ANK1: variants seen among roughly 807,000 people sequenced by gnomAD.
ANK1 encodes ankyrin 1, also known as ankyrin-1.
A neutral mutation model predicts 210.4 loss-of-function variants in ANK1; 51 were observed. The ratio of observed to expected loss-of-function variants is 0.24; its 90% CI spans 0.19 to 0.31. The LOEUF is 0.31. Ranked by LOEUF, ANK1 falls within the 10% of genes least tolerant of loss-of-function variation. The pLI, the probability that ANK1 is intolerant of heterozygous loss-of-function variation, is 1.00. For synonymous variants in ANK1, 967 were observed against 1,025.9 expected, an observed-to-expected ratio of 0.94 and a Z score of 1.10; for missense variants, 2,051 against 2,504.4, an observed-to-expected ratio of 0.82 and a Z score of 3.86.
chr8:41,761,472 CA>C (rs1840439202), intron 1 of ANK1, among the ~76,000 whole-genome samples: 1 of 152,182 alleles, frequency 6.6e-6, no homozygotes, highest in Admixed American at 6.5e-5. Context: ...TAGCCATGCA[CA>C]AGGAAGCAAG....
At chr8:41,843,330 G>A (rs1179052581) in intron 1 of ANK1, among the ~76,000 whole-genome samples, 3 of 152,070 alleles carry the variant, frequency 2.0e-5, no homozygotes, top group Admixed American at 6.6e-5. Flanking sequence ...CCTGCTCTGC[G>A]ATCAGACATT....
chr8:41,687,177 C>T (rs534637392), intron 35 of ANK1, among the ~76,000 whole-genome samples: 1 of 152,152 alleles, frequency 6.6e-6, no homozygotes, highest in Non-Finnish European at 1.5e-5. Context: ...CATATAAAAG[C>T]TAACAAAAAA....
intron 1 of ANK1, among the ~76,000 whole-genome samples, chr8:41,771,252 C>T (rs1030247715): frequency 5.3e-5 from 8 of 151,132 alleles, no homozygotes; most frequent in Non-Finnish European, 1.2e-4. Flanking sequence ...TTCAGGATGG[C>T]AGAAAAAAAA....
intron 22 of ANK1, 84 bp downstream of exon 22, chr8:41,701,466 G>A: frequency 1.6e-6 from 2 of 1,276,814 alleles, no homozygotes; most frequent in Non-Finnish European, 1.1e-6. Context: ...AGGGGACAAA[G>A]CCGGCAGGTG....
At chr8:41,662,965 G>C (rs1563335588) in intron 40 of ANK1, among the ~76,000 whole-genome samples, 1 of 152,000 alleles carries the variant, frequency 6.6e-6, no homozygotes, top group Non-Finnish European at 1.5e-5. Context: ...ACCCAGGCTG[G>C]AGTGCAGTGG....
At chr8:41,853,583 T>C (rs1811646219) in intron 1 of ANK1, among the ~76,000 whole-genome samples, 1 of 152,200 alleles carries the variant, frequency 6.6e-6, no homozygotes, top group East Asian at 1.9e-4. Context: ...AATTTTTACA[T>C]CTTAAAGATG....
In ANK1 at chr8:41,725,811, T is replaced by C; in HGVS notation, c.562A>G (p.Thr188Ala). ...TCGTTCTGCAGCAGCACCGCAGCCG[T>C]GCGCGTGTCGTCGTTGCGGGCCGCG... ...HIAARNDDTR[T>A]AAVLLQNDPN... is the part of the protein sequence containing the mutation. The change falls in exon 6 of 43, where the codon ACG becomes GCG. Residue 188 changes from threonine to alanine, a missense_variant. Thr to Ala is a moderately conservative substitution (Grantham distance 58). This residue lies in a region of ANK1 where 1,413 missense variants were observed against 1,707.4 expected (regional missense o/e 0.83). Transcript: ENST00000289734. The C allele has an allele frequency of 6.2e-7, 1 of 1,612,074 alleles. No individual in the cohort carries two copies. The highest frequency in any genetic ancestry group is 8.5e-7 in the Non-Finnish European group (1 of 1,179,746).
intron 1 of ANK1, among the ~76,000 whole-genome samples, chr8:41,894,948 C>T (rs983061841): frequency 6.6e-6 from 1 of 152,120 alleles, no homozygotes; most frequent in African/African-American, 2.4e-5. Flanking sequence ...TGTGAAACTA[C>T]TATTTACACA....
intron 2 of ANK1, among the ~76,000 whole-genome samples, chr8:41,735,891 C>T (rs1259920027): frequency 1.3e-5 from 2 of 152,152 alleles, no homozygotes; most frequent in African/African-American, 4.8e-5. Context: ...TACCTACCTC[C>T]TATTTAGGTC....
chr8:41,761,421 G>A (rs528167621), intron 1 of ANK1, among the ~76,000 whole-genome samples: 3 of 152,240 alleles, frequency 2.0e-5, no homozygotes, highest in East Asian at 3.9e-4. Flanking sequence ...ACACACAGAG[G>A]TGAAACTATG....
chr8:41,812,444 G>A (rs1464400261), intron 1 of ANK1, among the ~76,000 whole-genome samples: 3 of 152,192 alleles, frequency 2.0e-5, no homozygotes. Flanking sequence ...AGCCATGGAA[G>A]GTCAACGGAG....
chr8:41,811,442 C>T lies in ANK1; in HGVS notation c.127-53305G>A, dbSNP rs985597865. On this transcript the variant is annotated intron_variant, in intron 1 of 42. Transcript: ENST00000265709. ...TCTGCAAAGGCGGTTTCAGAAGACT[C>T]GGAAGTCCCTCCTCACACAGGAGCT... 3.9e-5 allele frequency among the ~76,000 whole-genome samples: 6 copies of T among 152,334 alleles called. 1 individual carries two copies. Among genetic ancestry groups the T allele is most frequent in the East Asian group, 1.9e-4 (1 of 5,188 alleles).
intron 39 of ANK1, chr8:41,665,214 C>T: frequency 6.6e-7 from 1 of 1,526,538 alleles, no homozygotes; most frequent in South Asian, 1.2e-5. Context: ...GAATGGCCCT[C>T]TCGGCTGAAG....
At chr8:41,820,127 C>T (rs1453963403) in intron 1 of ANK1, among the ~76,000 whole-genome samples, 1 of 151,800 alleles carries the variant, frequency 6.6e-6, no homozygotes, top group Admixed American at 6.6e-5. Flanking sequence ...TCCACAGGAA[C>T]TAATTCACAC....
At chr8:41,664,800 G>C in intron 39 of ANK1, 1 of 1,601,478 alleles carries the variant, frequency 6.2e-7, no homozygotes, top group Non-Finnish European at 8.5e-7. Flanking sequence ...CTGCCAGGCG[G>C]TTACCTTCAG....
At chr8:41,664,284 C>T in intron 39 of ANK1, 1 of 402,954 alleles carries the variant, frequency 2.5e-6, no homozygotes. Context: ...CCAATTTGGG[C>T]AACATAGCGA....
chr8:41,799,180 GTTGT>G (rs939519193), upstream of ANK1, among the ~76,000 whole-genome samples: 29 of 152,118 alleles, frequency 1.9e-4, no homozygotes, highest in African/African-American at 6.3e-4. Context: ...TGTTGTTGTT[GTTGT>G]TTGTTTGTTT....
At chr8:41,842,943 TTCA>T (rs1178006966) in intron 1 of ANK1, among the ~76,000 whole-genome samples, 1 of 152,000 alleles carries the variant, frequency 6.6e-6, no homozygotes, top group African/African-American at 2.4e-5. Flanking sequence ...GCCTCCCAGG[TTCA>T]AGCGATTCTC....
chr8:41,891,630 C>G (rs141466868), intron 1 of ANK1, among the ~76,000 whole-genome samples: 1 of 152,330 alleles, frequency 6.6e-6, no homozygotes, highest in Non-Finnish European at 1.5e-5. Flanking sequence ...GGAACAGCCC[C>G]CACCACTGCT....
Sources: gnomAD v4.1 joint callset for allele counts (sites outside exome capture counted in the v4.1 genomes callset) on GRCh38, gnomAD v4.1.1 for gene constraint, gnomAD v4.1.1 regional missense constraint, MANE v1.5 for transcripts, NCBI Gene and HGNC (gene_info 2026-07-23, HGNC 2026-07-21) for gene names.